RAB8B: variants seen among roughly 807,000 people sequenced by gnomAD.
RAB8B encodes ras-related protein Rab-8B.
In RAB8B, 11 loss-of-function variants were observed where a neutral mutation model predicts 32.0. The observed-to-expected ratio is 0.34, with a 90% CI of 0.22 to 0.57. The LOEUF (loss-of-function observed/expected upper bound fraction) is 0.57. Ranked by LOEUF, RAB8B falls within the 20% of genes least tolerant of loss-of-function variation. The pLI is 0.86. For synonymous variants in RAB8B, 103 were observed against 89.6 expected, an observed-to-expected ratio of 1.15 and a Z score of -0.85; for missense variants, 190 against 258.5, an observed-to-expected ratio of 0.73 and a Z score of 1.82.
At chr15:63,246,644 CT>C (rs2038074774) in intron 2 of RAB8B, among the ~76,000 whole-genome samples, 1 of 152,182 alleles carries the variant, frequency 6.6e-6, no homozygotes, top group African/African-American at 2.4e-5. Context: ...TCCTGAAGCT[CT>C]CCAAACCCAG....
intron 1 of RAB8B, among the ~76,000 whole-genome samples, chr15:63,222,218 C>T (rs114469889): frequency 9.8e-4 from 150 of 152,300 alleles, no homozygotes; most frequent in African/African-American, 3.6e-3. Flanking sequence ...GGTTCTTGTC[C>T]AGTGACTCTA....
chr15:63,191,801 T>A (rs2037557982), intron 1 of RAB8B, among the ~76,000 whole-genome samples: 1 of 152,232 alleles, frequency 6.6e-6, no homozygotes, highest in Non-Finnish European at 1.5e-5. Flanking sequence ...TGTAATAGTT[T>A]TATTCGTTTT....
chr15:63,243,348 GC>G (rs1312792551), intron 1 of RAB8B, among the ~76,000 whole-genome samples: 1 of 152,230 alleles, frequency 6.6e-6, no homozygotes, highest in Non-Finnish European at 1.5e-5. Context: ...TCTAAACAAA[GC>G]TGAGTAGCCA....
intron 1 of RAB8B, among the ~76,000 whole-genome samples, chr15:63,194,664 G>T (rs1254307018): frequency 4.6e-5 from 7 of 152,290 alleles, no homozygotes; most frequent in African/African-American, 1.7e-4. Context: ...AGTCTCATCA[G>T]AGTACTTTTA....
chr15:63,244,400 G>A (rs1381298254), intron 1 of RAB8B, among the ~76,000 whole-genome samples: 1 of 152,162 alleles, frequency 6.6e-6, no homozygotes, highest in Non-Finnish European at 1.5e-5. Flanking sequence ...CTTTTGGGAA[G>A]GATTGGGGTT....
intron 1 of RAB8B, among the ~76,000 whole-genome samples, chr15:63,239,455 C>G (rs2038013315): frequency 1.4e-5 from 2 of 147,932 alleles, no homozygotes; most frequent in South Asian, 4.3e-4. Flanking sequence ...CTCTGTTGCC[C>G]AGGCTGGAAT....
chr15:63,244,735 C>T, intron 1 of RAB8B, 21 bp from the exon 2 acceptor site: 1 of 1,522,738 alleles, frequency 6.6e-7, no homozygotes, highest in Admixed American at 1.8e-5. Context: ...CTTAACATAT[C>T]TTTCTTTGTT....
intron 1 of RAB8B, among the ~76,000 whole-genome samples, chr15:63,226,759 G>A (rs939884277): frequency 1.3e-5 from 2 of 152,206 alleles, no homozygotes; most frequent in Non-Finnish European, 2.9e-5. Context: ...ATGTAAGAAA[G>A]AATTCAGGGC....
intron 1 of RAB8B, among the ~76,000 whole-genome samples, chr15:63,195,966 A>G (rs2037596653): frequency 1.3e-5 from 2 of 152,180 alleles, no homozygotes; most frequent in African/African-American, 2.4e-5. Context: ...GGTGGGAACT[A>G]TGAGTAAGGG....
At chr15:63,223,634 G>T (rs2141123326) in intron 1 of RAB8B, among the ~76,000 whole-genome samples, 1 of 152,258 alleles carries the variant, frequency 6.6e-6, no homozygotes, top group East Asian at 1.9e-4. Flanking sequence ...ACCTAAAAAT[G>T]CATTTTCCAG....
At chr15:63,209,419 T>G (rs1261509910) in intron 1 of RAB8B, among the ~76,000 whole-genome samples, 2 of 151,696 alleles carry the variant, frequency 1.3e-5, no homozygotes, top group Non-Finnish European at 2.9e-5. Context: ...GGTGAAACCC[T>G]GTCTCTACTA....
intron 1 of RAB8B, among the ~76,000 whole-genome samples, chr15:63,220,313 G>A (rs2037833635): frequency 6.6e-6 from 1 of 152,110 alleles, no homozygotes; most frequent in Non-Finnish European, 1.5e-5. Context: ...TCTACTTTAT[G>A]TATGCTTAGT....
In RAB8B at chr15:63,248,366, G is replaced by A. The variant is rs2038088226; in HGVS notation, c.186-1279G>A. 1.3e-5 allele frequency among the ~76,000 whole-genome samples: 2 copies of A among 152,080 alleles called. No homozygotes were observed. The highest frequency in any genetic ancestry group is 4.8e-5 in the African/African-American group (2 of 41,388). On this transcript the variant is annotated intron_variant, in intron 2 of 7. Transcript: ENST00000321437. This position sits in a 1 kb window ranked among gnomAD's most constrained non-coding sequence, Gnocchi z 4.4. Reference sequence around the variant, plus strand: ...ATCTCTATTAAAAATACAAAAATTAGCCTGGCGTGGTGGTGGGCTTCTGTA... The same window carrying A: ...ATCTCTATTAAAAATACAAAAATTAACCTGGCGTGGTGGTGGGCTTCTGTA...
At chr15:63,208,524 T>C (rs374158802) in intron 1 of RAB8B, among the ~76,000 whole-genome samples, 6 of 152,338 alleles carry the variant, frequency 3.9e-5, no homozygotes, top group East Asian at 1.9e-4. Context: ...TGCACAATGC[T>C]TGGCTTTCAC....
At chr15:63,239,853 G>A (rs2038017589) in intron 1 of RAB8B, among the ~76,000 whole-genome samples, 1 of 152,072 alleles carries the variant, frequency 6.6e-6, no homozygotes, top group Non-Finnish European at 1.5e-5. Context: ...TGGAGTCTTC[G>A]CATGATCTGA....
At chr15:63,211,156 C>G (rs958945983) in intron 1 of RAB8B, among the ~76,000 whole-genome samples, 1 of 152,250 alleles carries the variant, frequency 6.6e-6, no homozygotes, top group African/African-American at 2.4e-5. Flanking sequence ...AAGACCAGCT[C>G]TGCTTTTATT....
In RAB8B at chr15:63,245,966, G is replaced by A. The variant is rs529955388; in HGVS notation, c.185+1150G>A. Among the ~76,000 whole-genome samples, 8 of 152,196 alleles carry A rather than the reference G, an allele frequency of 5.3e-5. No individual in the cohort carries two copies. In the East Asian group the frequency reaches 5.8e-4, roughly 11 times the overall value. ...CGGCTCACTGCAACCTCCACCTCCC[G>A]GGTTCAAGCGATTCTCCTGCCTCAG... On this transcript the variant is annotated intron_variant, in intron 2 of 7. Transcript: ENST00000321437.
chr15:63,239,688 G>A (rs1488023089), intron 1 of RAB8B, among the ~76,000 whole-genome samples: 4 of 152,226 alleles, frequency 2.6e-5, no homozygotes, highest in Non-Finnish European at 4.4e-5. Context: ...GATTACAGGC[G>A]TGAGCCACCG....
At chr15:63,243,019 C>A (rs543514753) in intron 1 of RAB8B, among the ~76,000 whole-genome samples, 1 of 152,286 alleles carries the variant, frequency 6.6e-6, no homozygotes, top group South Asian at 2.1e-4. Flanking sequence ...TGTTTTCCTG[C>A]AACAAGATGG....
Sources: allele counts gnomAD v4.1 joint callset (sites outside exome capture counted in the v4.1 genomes callset), GRCh38; gene constraint gnomAD v4.1.1; non-coding constraint Gnocchi (gnomAD v3.1); transcripts MANE v1.5; gene names NCBI Gene and HGNC (gene_info 2026-07-23, HGNC 2026-07-21).